STK11: variants seen among roughly 807,000 people sequenced by gnomAD.
The protein encoded by STK11 is serine/threonine-protein kinase STK11.
STK11 carries 8 observed loss-of-function variants against 47.3 expected under a neutral mutation model. The observed-to-expected ratio is 0.17, with a 90% confidence interval of 0.10 to 0.31. STK11 has a LOEUF of 0.31. Among genes scored for constraint, STK11 ranks in the 10% least tolerant of loss-of-function variants. The pLI is 1.00. For missense variants in STK11, 475 were observed against 605.0 expected, an observed-to-expected ratio of 0.79 and a Z score of 2.25; for synonymous variants, 330 against 255.8, an observed-to-expected ratio of 1.29 and a Z score of -2.77.
At chr19:1,208,812 G>C (rs1250665501) in intron 1 of STK11, among the ~76,000 whole-genome samples, 1 of 145,062 alleles carries the variant, frequency 6.9e-6, no homozygotes, top group Admixed American at 6.9e-5. Flanking sequence ...TAGTAGAGAC[G>C]GGGTTTCACC....
chr19:1,211,152 G>A (rs2080707564), intron 1 of STK11, among the ~76,000 whole-genome samples: 1 of 152,226 alleles, frequency 6.6e-6, no homozygotes, highest in Non-Finnish European at 1.5e-5. Context: ...GCGCGCGCCT[G>A]TAGTCCAGCT....
rs2080668823 is a variant in STK11, at chr19:1,206,824, A to T, written c.-90A>T. 2 of 1,429,034 alleles carry T rather than the reference A, an allele frequency of 1.4e-6. No individual in the cohort carries two copies. Among genetic ancestry groups the T allele is most frequent in the Non-Finnish European group, 1.9e-6 (2 of 1,080,752 alleles). 88.5% of individuals were successfully genotyped at this position (1,429,034 alleles called of 1,614,324 possible). Reference sequence around the variant, plus strand: ...TTTTTTTTTCTTTTTTCTTTGTAAAATTTTGGAGAAGGGAAGTCGGAACAC... The same window carrying T: ...TTTTTTTTTCTTTTTTCTTTGTAAATTTTTGGAGAAGGGAAGTCGGAACAC... On this transcript the variant is annotated 5_prime_UTR_variant, in exon 1 of 10. Transcript: ENST00000326873.
chr19:1,223,896 T>TGC (rs1428737857), intron 8 of STK11: 1 of 1,015,850 alleles, frequency 9.8e-7, no homozygotes, highest in African/African-American at 1.7e-5. Context: ...GGATGCTTGC[T>TGC]GCGCTCGGGC....
At chr19:1,226,706 C>A (rs1395861378) in intron 9 of STK11, 43 bp downstream of exon 9, 2 of 1,448,896 alleles carry the variant, frequency 1.4e-6, no homozygotes, top group African/African-American at 2.9e-5. Flanking sequence ...GGGGACAACG[C>A]CTGGATGCCA....
At position 1,227,990 on chromosome 19, in the gene STK11, A is replaced by G; in HGVS notation, c.*414A>G. The G allele has an allele frequency of 9.4e-7, 1 of 1,068,254 alleles. No homozygotes were observed. Among genetic ancestry groups the G allele is most frequent in the South Asian group, 4.5e-5 (1 of 21,994 alleles). The allele number at this position is 1,068,254 out of a possible 1,614,324, so 66.2% of individuals were successfully genotyped here. On this transcript the variant is annotated 3_prime_UTR_variant, in exon 10 of 10. Transcript: ENST00000326873. Reference sequence around the variant, plus strand: ...GACCAGGCTCCTGACCCCGCCATGCATGCAGCGCCACCTGGAAGCCGCGCG... The same window carrying G: ...GACCAGGCTCCTGACCCCGCCATGCGTGCAGCGCCACCTGGAAGCCGCGCG...
chr19:1,215,751 T>C (rs1377164640), intron 1 of STK11, among the ~76,000 whole-genome samples: 3 of 152,078 alleles, frequency 2.0e-5, no homozygotes, highest in Non-Finnish European at 4.4e-5. Flanking sequence ...CAAGTTTTTT[T>C]TTTGAGATGG....
chr19:1,211,597 G>A (rs2080711195), intron 1 of STK11, among the ~76,000 whole-genome samples: 3 of 152,254 alleles, frequency 2.0e-5, no homozygotes, highest in Non-Finnish European at 4.4e-5. Flanking sequence ...TGAGCGCACA[G>A]CCTGGCGGTG....
rs2080789594 is a variant in STK11, at chr19:1,222,194, AC to A, written c.920+191del. On this transcript the variant is annotated intron_variant, in intron 7 of 9. Coordinates refer to ENST00000326873, the MANE Select transcript of STK11 (RefSeq NM_000455.5). ...TGGGCAGTGTCCTGTTACCGGCCAG[AC>A]CCAGGCGCCTTGTCCGAACTGGGGT... is the stretch of plus-strand genomic sequence containing the variant. 5.3e-5 allele frequency among the ~76,000 whole-genome samples: 8 copies of A among 152,244 alleles called. No homozygotes were observed. In the South Asian group the frequency reaches 1.7e-3, roughly 32 times the overall value.
chr19:1,214,008 T>C (rs557726373), intron 1 of STK11, among the ~76,000 whole-genome samples: 1 of 152,360 alleles, frequency 6.6e-6, no homozygotes, highest in African/African-American at 2.4e-5. Flanking sequence ...GTCCTGCTAA[T>C]CAACAAGTCA....
chr19:1,223,737 C>T (rs1476087576), intron 8 of STK11: 12 of 1,041,094 alleles, frequency 1.2e-5, no homozygotes, highest in African/African-American at 6.7e-5. Flanking sequence ...CGGCCGGCGC[C>T]GCAGTAGTGC....
Position 1,227,970 on chromosome 19 carries a change from G to A in STK11, c.*394G>A. The A allele has an allele frequency of 9.4e-7, 1 of 1,069,488 alleles. No homozygotes were observed. Among genetic ancestry groups the A allele is most frequent in the Non-Finnish European group, 1.1e-6 (1 of 881,814 alleles). 66.2% of individuals were successfully genotyped at this position (1,069,488 alleles called of 1,614,324 possible). A position where few individuals can be genotyped will look rare whatever the true frequency, so the allele number is the denominator to read the frequency against. On this transcript the variant is annotated 3_prime_UTR_variant, in exon 10 of 10. Coordinates refer to ENST00000326873, the MANE Select transcript of STK11 (RefSeq NM_000455.5). ...GACCAGCTGGCGGGTGTGGAGACCA[G>A]GCTCCTGACCCCGCCATGCATGCAG...
At chr19:1,225,244 A>C in intron 8 of STK11, 1 of 984,612 alleles carries the variant, frequency 1.0e-6, no homozygotes, top group Non-Finnish European at 1.2e-6. Context: ...CTATGGGTGC[A>C]ATTGGTGCCT....
Position 1,226,581 on chromosome 19 carries a change from C to T in STK11, c.1236C>T (p.Asn412=), listed in dbSNP as rs1158714606. 2.5e-6 allele frequency: 4 copies of T among 1,579,326 alleles called. No homozygotes were observed. The highest frequency in any genetic ancestry group is 3.4e-6 in the Non-Finnish European group (4 of 1,164,234). The change falls in exon 9 of 10, where the codon AAC becomes AAT. Residue 412 remains asparagine (N), a synonymous_variant. Coordinates refer to ENST00000326873, the MANE Select transcript of STK11 (RefSeq NM_000455.5). Reference sequence around the variant, plus strand: ...CCAGGGCGGAGGGCCGGGCCCCCAACCCTGCCCGCAAGGCCTGCTCCGCCA... The same window carrying T: ...CCAGGGCGGAGGGCCGGGCCCCCAATCCTGCCCGCAAGGCCTGCTCCGCCA... The part of the protein sequence containing the change: ...TKSRAEGRAP[N]PARKACSASS...
chr19:1,208,912 C>A (rs1432621199), intron 1 of STK11, among the ~76,000 whole-genome samples: 1 of 151,966 alleles, frequency 6.6e-6, no homozygotes, highest in Non-Finnish European at 1.5e-5. Flanking sequence ...TGAGCCACCG[C>A]GCCCGGCCAG....
chr19:1,223,753 G>A, intron 8 of STK11: 2 of 1,041,100 alleles, frequency 1.9e-6, no homozygotes, highest in Non-Finnish European at 2.3e-6. Context: ...AGTGCCTGAG[G>A]AGGAGCTCAG....
intron 9 of STK11, chr19:1,226,881 C>T (rs1325258822): frequency 2.5e-5 from 14 of 568,922 alleles, no homozygotes; most frequent in South Asian, 1.8e-4. Context: ...TGGAGGCCTA[C>T]GTGTGGCGGG....
chr19:1,225,526 C>T, intron 8 of STK11: 1 of 984,696 alleles, frequency 1.0e-6, no homozygotes. Context: ...ACCTCGGCCT[C>T]CCAAAGTGCT....
intron 1 of STK11, among the ~76,000 whole-genome samples, chr19:1,212,882 C>T (rs1257242853): frequency 6.6e-6 from 1 of 150,966 alleles, no homozygotes; most frequent in Non-Finnish European, 1.5e-5. Flanking sequence ...CAAGGGCTTG[C>T]TGTGTTGCCC....
Position 1,206,748 on chromosome 19 carries a change from G to A in STK11, c.-166G>A. ...GCCGGGACTGACGTGTAGAACAATCGTTTCTGTTGGAAGAAGGGTTTTTCC... is the reference window on the plus strand; with the variant it reads ...GCCGGGACTGACGTGTAGAACAATCATTTCTGTTGGAAGAAGGGTTTTTCC... On this transcript the variant is annotated 5_prime_UTR_variant, in exon 1 of 10. Coordinates refer to ENST00000326873, the MANE Select transcript of STK11 (RefSeq NM_000455.5). The A allele has an allele frequency of 1.1e-6, 1 of 950,782 alleles. No homozygotes were observed. Among genetic ancestry groups the A allele is most frequent in the Non-Finnish European group, 1.5e-6 (1 of 659,866 alleles). The allele number at this position is 950,782 out of a possible 1,614,324, so 58.9% of individuals were successfully genotyped here.
Sources: allele counts gnomAD v4.1 joint callset (sites outside exome capture counted in the v4.1 genomes callset), GRCh38; gene constraint gnomAD v4.1.1; transcripts MANE v1.5; gene names NCBI Gene and HGNC (gene_info 2026-07-23, HGNC 2026-07-21).